The following RNF180 variants were observed in gnomAD, a reference collection of about 807,000 sequenced individuals.
The protein encoded by RNF180 is ring finger protein 180, also known as E3 ubiquitin-protein ligase RNF180.
In RNF180, 38 loss-of-function variants were observed where a neutral mutation model predicts 59.2. That is an observed-to-expected ratio of 0.64 (90% confidence interval 0.50 to 0.84). The LOEUF (loss-of-function observed/expected upper bound fraction) is 0.84. RNF180 is among the 40% of genes least tolerant of loss of function. The pLI is 0.00. For synonymous variants in RNF180, 262 were observed against 240.3 expected, an observed-to-expected ratio of 1.09 and a Z score of -0.84; for missense variants, 705 against 700.9, an observed-to-expected ratio of 1.01 and a Z score of -0.07.
chr5:64,244,314 T>TA (rs1301399640), intron 5 of RNF180, among the ~76,000 whole-genome samples: 1 of 151,924 alleles, frequency 6.6e-6, no homozygotes, highest in Non-Finnish European at 1.5e-5. Flanking sequence ...GAGCATATTC[T>TA]AACCCAACGC....
intron 6 of RNF180, among the ~76,000 whole-genome samples, chr5:64,327,307 T>A (rs916362398): frequency 6.6e-6 from 1 of 152,088 alleles, no homozygotes; most frequent in South Asian, 2.1e-4. Flanking sequence ...GTCTTTATTA[T>A]TTCTTTCCTT....
At chr5:64,245,302 TA>T (rs1338783011) in intron 5 of RNF180, among the ~76,000 whole-genome samples, 1 of 152,174 alleles carries the variant, frequency 6.6e-6, no homozygotes, top group Non-Finnish European at 1.5e-5. Context: ...CTAAATGCCC[TA>T]ATTAAAAGAC....
chr5:64,356,004 C>T (rs1180276678), intron 7 of RNF180, among the ~76,000 whole-genome samples: 1 of 151,682 alleles, frequency 6.6e-6, no homozygotes, highest in Non-Finnish European at 1.5e-5. Context: ...GTAAATTGAA[C>T]TTGATCAAAA....
intron 5 of RNF180, among the ~76,000 whole-genome samples, chr5:64,242,397 T>C (rs1337966472): frequency 2.6e-5 from 4 of 152,152 alleles, no homozygotes; most frequent in Non-Finnish European, 5.9e-5. Flanking sequence ...GTGACCCTAA[T>C]TAAATGCATG....
At chr5:64,170,565 C>G (rs1476286432) in intron 1 of RNF180, among the ~76,000 whole-genome samples, 3 of 152,190 alleles carry the variant, frequency 2.0e-5, no homozygotes, top group Non-Finnish European at 4.4e-5. Context: ...ACAGTATTAT[C>G]CTGCCTAGCG....
chr5:64,240,099 GT>G (rs571119582), intron 5 of RNF180, among the ~76,000 whole-genome samples: 31 of 152,244 alleles, frequency 2.0e-4, no homozygotes, highest in African/African-American at 7.5e-4. Flanking sequence ...AATAGGAAGG[GT>G]TCCCCATGTC....
chr5:64,236,555 G>A (rs1742452668), intron 5 of RNF180, among the ~76,000 whole-genome samples: 1 of 152,164 alleles, frequency 6.6e-6, no homozygotes, highest in Non-Finnish European at 1.5e-5. Context: ...GAGGAGGAAT[G>A]CAAGCCCACT....
chr5:64,214,562 A>G, intron 4 of RNF180, 45 bp downstream of exon 4: 2 of 1,544,740 alleles, frequency 1.3e-6, no homozygotes, highest in Non-Finnish European at 1.8e-6. Context: ...TATTATAAAT[A>G]CTGGAGTTTG....
intron 1 of RNF180, among the ~76,000 whole-genome samples, chr5:64,192,320 A>T (rs1028355962): frequency 6.6e-6 from 1 of 152,068 alleles, no homozygotes; most frequent in African/African-American, 2.4e-5. Context: ...GTTGGCCAGG[A>T]TGTAGAGAAA....
intron 5 of RNF180, among the ~76,000 whole-genome samples, chr5:64,257,959 G>GAGA (rs1744083675): frequency 6.6e-6 from 1 of 152,198 alleles, no homozygotes; most frequent in Non-Finnish European, 1.5e-5. Context: ...TAGGAAAGCT[G>GAGA]AGAAGGAGAT....
intron 5 of RNF180, among the ~76,000 whole-genome samples, chr5:64,277,657 A>G (rs1741799175): frequency 6.6e-6 from 1 of 152,150 alleles, no homozygotes; most frequent in African/African-American, 2.4e-5. Context: ...AGTCAGGGAT[A>G]CAGACTAATT....
intron 5 of RNF180, among the ~76,000 whole-genome samples, chr5:64,226,477 A>G (rs541310465): frequency 2.0e-5 from 3 of 152,238 alleles, no homozygotes; most frequent in African/African-American, 7.2e-5. Context: ...GCTCGTTAAG[A>G]GTCATCACCA....
At chr5:64,197,419 T>C (rs1010798458) in intron 1 of RNF180, among the ~76,000 whole-genome samples, 1 of 152,190 alleles carries the variant, frequency 6.6e-6, no homozygotes, top group Non-Finnish European at 1.5e-5. Flanking sequence ...AAGATGTTGT[T>C]TGCCTTTTTC....
chr5:64,344,341 G>GA (rs1318707780), intron 7 of RNF180, among the ~76,000 whole-genome samples: 2 of 151,648 alleles, frequency 1.3e-5, no homozygotes, highest in Admixed American at 1.3e-4. Flanking sequence ...AATTATTGGA[G>GA]AAAAAAGGAA....
intron 5 of RNF180, among the ~76,000 whole-genome samples, chr5:64,260,922 A>G (rs1580133359): frequency 6.7e-6 from 1 of 148,178 alleles, no homozygotes; most frequent in Non-Finnish European, 1.5e-5. Flanking sequence ...CAAATCATCT[A>G]GCTTAGTTCA....
chr5:64,179,653 A>G (rs1035355603), intron 1 of RNF180, among the ~76,000 whole-genome samples: 8 of 152,204 alleles, frequency 5.3e-5, no homozygotes, highest in East Asian at 1.9e-4. Context: ...TATCAAATCA[A>G]TTGATGCACA....
At chr5:64,175,541 C>T (rs567727057) in intron 1 of RNF180, among the ~76,000 whole-genome samples, 11 of 152,218 alleles carry the variant, frequency 7.2e-5, no homozygotes, top group African/African-American at 2.6e-4. Context: ...TATTTTGAAG[C>T]CAGATAATAT....
intron 5 of RNF180, among the ~76,000 whole-genome samples, chr5:64,220,596 A>C (rs1741270909): frequency 6.6e-6 from 1 of 152,120 alleles, no homozygotes; most frequent in African/African-American, 2.4e-5. Context: ...CGCTGAATTG[A>C]GAGAAACTAA....
chr5:64,214,371 G>T lies in RNF180; in HGVS notation c.1045G>T (p.Glu349Ter). The T allele has an allele frequency of 6.2e-7, 1 of 1,614,058 alleles. No homozygotes were observed. Among genetic ancestry groups the T allele is most frequent in the Non-Finnish European group, 8.5e-7 (1 of 1,180,002 alleles). Residue 349 changes from glutamate (E) to a stop codon, truncating the protein, a stop_gained, in exon 4 of 8, where the codon GAA becomes TAA. Transcript: ENST00000389100. LOFTEE classifies it high-confidence loss of function. Reference sequence around the variant, plus strand: ...GAGCATGCCGGAGGCCTCAGACCAGGAAGAGCACCTCTCCCCTCTGGACTT... The same window carrying T: ...GAGCATGCCGGAGGCCTCAGACCAGTAAGAGCACCTCTCCCCTCTGGACTT... ...GRSMPEASDQEEHLSPLDFLH... is the reference protein window; with the variant it reads ...GRSMPEASDQ
Sources: allele counts gnomAD v4.1 joint callset (sites outside exome capture counted in the v4.1 genomes callset), GRCh38; gene constraint gnomAD v4.1.1; transcripts MANE v1.5; gene names NCBI Gene and HGNC (gene_info 2026-07-23, HGNC 2026-07-21).